GALNT16: variants seen among roughly 807,000 people sequenced by gnomAD.
GALNT16 encodes the protein polypeptide N-acetylgalactosaminyltransferase 16.
In GALNT16, 40 loss-of-function variants were observed where a neutral mutation model predicts 76.1. The observed-to-expected ratio is 0.53, with a 90% CI of 0.41 to 0.68. The LOEUF is 0.68. GALNT16 is among the 30% of genes least tolerant of loss of function. The pLI, the probability that GALNT16 is intolerant of heterozygous loss-of-function variation, is 0.00. For synonymous variants in GALNT16, 276 were observed against 285.2 expected (o/e 0.97, Z 0.32); for missense variants, 621 against 731.9 (o/e 0.85, Z 1.75).
At chr14:69,325,433 CT>C in intron 4 of GALNT16, 29 bp downstream of exon 4, 1 of 1,304,546 alleles carries the variant, frequency 7.7e-7, no homozygotes, top group Non-Finnish European at 1.1e-6. Flanking sequence ...TTTTGCAGCC[CT>C]CCATTCCGCC....
At chr14:69,267,952 AG>A (rs1411936315) in intron 1 of GALNT16, among the ~76,000 whole-genome samples, 1 of 152,186 alleles carries the variant, frequency 6.6e-6, no homozygotes, top group Non-Finnish European at 1.5e-5. Context: ...ATAAGACCAG[AG>A]GGTGAGGTGT....
intron 14 of GALNT16, chr14:69,350,602 T>C (rs2045623403): frequency 6.6e-6 from 1 of 152,552 alleles, no homozygotes; most frequent in African/African-American, 2.4e-5. Flanking sequence ...GCATTCCCAC[T>C]GGGAGCCCAG....
chr14:69,333,427 C>T lies in GALNT16; in HGVS notation c.864-70C>T. 1.1e-6 allele frequency: 1 copy of T among 940,550 alleles called. No homozygotes were observed. Among genetic ancestry groups the T allele is most frequent in the African/African-American group, 1.6e-5 (1 of 62,174 alleles). 58.3% of individuals were successfully genotyped at this position (940,550 alleles called of 1,614,324 possible). On this transcript the variant is annotated intron_variant, in intron 8 of 14. Transcript: ENST00000448469. The surrounding 1 kb of genome is among the most constrained non-coding windows in gnomAD (Gnocchi z 4.2). The stretch of plus-strand genomic sequence containing the variant: ...ATCTAGAGGCAGACGGTCTTGGGTC[C>T]TGGGGCCATCTAAAGGGCCTCCTTG...
chr14:69,263,487 T>A (rs1333253198), intron 1 of GALNT16, among the ~76,000 whole-genome samples: 1 of 152,220 alleles, frequency 6.6e-6, no homozygotes, highest in Non-Finnish European at 1.5e-5. Context: ...TAGAGAATGA[T>A]GTGGCTAGCC....
At chr14:69,350,532 C>G (rs748505205) in intron 14 of GALNT16, 1 of 152,320 alleles carries the variant, frequency 6.6e-6, no homozygotes, top group Non-Finnish European at 1.5e-5. Flanking sequence ...CCTTTAGGCT[C>G]TCTGCGGGGG....
intron 1 of GALNT16, among the ~76,000 whole-genome samples, chr14:69,276,420 C>T (rs557270385): frequency 1.4e-4 from 21 of 152,190 alleles, no homozygotes; most frequent in Admixed American, 6.5e-4. Flanking sequence ...CGGTGGCGCA[C>T]GCCTGTAATC....
intron 9 of GALNT16, among the ~76,000 whole-genome samples, chr14:69,336,885 C>T (rs537151889): frequency 9.9e-5 from 15 of 151,934 alleles, no homozygotes; most frequent in Admixed American, 8.5e-4. Flanking sequence ...CCGCCACACC[C>T]GGATAATTTC....
At chr14:69,343,674 C>A (rs1479399992) in intron 12 of GALNT16, among the ~76,000 whole-genome samples, 1 of 152,198 alleles carries the variant, frequency 6.6e-6, no homozygotes, top group Non-Finnish European at 1.5e-5. Flanking sequence ...GTTCATACAA[C>A]ATTTGGGTGA....
At chr14:69,307,711 G>A (rs1246783149) in intron 1 of GALNT16, among the ~76,000 whole-genome samples, 1 of 152,168 alleles carries the variant, frequency 6.6e-6, no homozygotes, top group Admixed American at 6.5e-5. Flanking sequence ...CCTCAACTAA[G>A]TTACTAAGTT....
At chr14:69,337,004 G>A (rs1212410247) in intron 9 of GALNT16, among the ~76,000 whole-genome samples, 3 of 152,150 alleles carry the variant, frequency 2.0e-5, no homozygotes, top group Admixed American at 6.5e-5. Flanking sequence ...TAAGATCACA[G>A]GCGTGAACCA....
intron 1 of GALNT16, among the ~76,000 whole-genome samples, chr14:69,304,204 C>A (rs2044898649): frequency 6.6e-6 from 1 of 152,066 alleles, no homozygotes; most frequent in African/African-American, 2.4e-5. Flanking sequence ...ATAAGTTTAC[C>A]CCTTCAGTTC....
rs1226664482 is a variant in GALNT16, at chr14:69,324,698, A to G, written c.342A>G (p.Pro114=). The G allele has an allele frequency of 3.7e-6, 6 of 1,605,536 alleles. No individual in the cohort carries two copies. The highest frequency in any genetic ancestry group is 1.1e-5 in the South Asian group (1 of 90,242). The change falls in exon 3 of 15, where the codon CCA becomes CCG. Residue 114 remains proline (P), a synonymous_variant. Transcript: ENST00000448469. ...PIRDTRHYSC[P]SVSYSSDLPA... is the part of the protein sequence containing the mutation. ...CTCTGTGCTCCCTTCTCAGCTGCCC[A>G]TCTGTGTCCTACTCCTCGGACCTGC...
intron 1 of GALNT16, among the ~76,000 whole-genome samples, chr14:69,297,221 C>G (rs2044780083): frequency 6.6e-6 from 1 of 152,190 alleles, no homozygotes; most frequent in African/African-American, 2.4e-5. Flanking sequence ...CTGATTTGCC[C>G]TCTTTGGCGG....
chr14:69,263,751 G>A (rs573892333), intron 1 of GALNT16, among the ~76,000 whole-genome samples: 22 of 152,184 alleles, frequency 1.4e-4, no homozygotes, highest in Non-Finnish European at 2.8e-4. Flanking sequence ...TTAATATTCT[G>A]TCCTGCTGTC....
chr14:69,319,997 T>A (rs1170176991), intron 1 of GALNT16, among the ~76,000 whole-genome samples: 1 of 152,234 alleles, frequency 6.6e-6, no homozygotes, highest in African/African-American at 2.4e-5. Context: ...TAGGAGACTG[T>A]CAATCTGCAG....
At chr14:69,382,789 C>CAAAA in the GALNT16 span, among the ~76,000 whole-genome samples, 23 of 103,162 alleles carry the variant, frequency 2.2e-4, no homozygotes, top group African/African-American at 8.5e-4. Flanking sequence ...ACTCTATCTC[C>CAAAA]AAAAGAAAAA....
chr14:69,267,706 G>A (rs2044358614), intron 1 of GALNT16, among the ~76,000 whole-genome samples: 1 of 152,166 alleles, frequency 6.6e-6, no homozygotes, highest in South Asian at 2.1e-4. Flanking sequence ...TGTGAATGAA[G>A]TCCAAGTGAT....
chr14:69,327,358 G>GA (rs1477233873), intron 5 of GALNT16, among the ~76,000 whole-genome samples: 1 of 151,668 alleles, frequency 6.6e-6, no homozygotes, highest in Non-Finnish European at 1.5e-5. Context: ...ACTCAGTTTC[G>GA]AAAAAAAGAA....
At chr14:69,268,539 C>T (rs764424649) in intron 1 of GALNT16, among the ~76,000 whole-genome samples, 6 of 152,210 alleles carry the variant, frequency 3.9e-5, no homozygotes, top group South Asian at 2.1e-4. Flanking sequence ...ACACAGGGTC[C>T]GAATGCTGAA....
Sources: allele counts gnomAD v4.1 joint callset (sites outside exome capture counted in the v4.1 genomes callset), GRCh38; gene constraint gnomAD v4.1.1; non-coding constraint Gnocchi (gnomAD v3.1); transcripts MANE v1.5; gene names NCBI Gene and HGNC (gene_info 2026-07-23, HGNC 2026-07-21).